RSAD2: variants seen among roughly 807,000 people sequenced by gnomAD.
The protein encoded by RSAD2 is radical S-adenosyl methionine domain containing 2, also known as S-adenosylmethionine-dependent nucleotide dehydratase RSAD2.
A neutral mutation model predicts 37.7 loss-of-function variants in RSAD2; 38 were observed. That is an observed-to-expected ratio of 1.01 (90% CI 0.78 to 1.32). The LOEUF (loss-of-function observed/expected upper bound fraction) is 1.32, where lower values mean the gene tolerates loss of function less well. Among genes scored for constraint, RSAD2 ranks in the 40% most tolerant of loss-of-function variants. The probability of loss-of-function intolerance (pLI) is 0.00; values close to 1 mark genes in which losing one functional copy is unlikely to be tolerated. For missense variants in RSAD2, 428 were observed against 437.5 expected (o/e 0.98, Z 0.19); for synonymous variants, 163 against 157.4 (o/e 1.04, Z -0.27).
chr2:6,893,855 C>A, intron 5 of RSAD2, 152 bp downstream of exon 5: 1 of 612,532 alleles, frequency 1.6e-6, no homozygotes, highest in Non-Finnish European at 2.9e-6. Flanking sequence ...ATGATTATGC[C>A]AGAGCCCTCA....
chr2:6,874,302 C>T (rs923428312), upstream of RSAD2, among the ~76,000 whole-genome samples: 1 of 152,098 alleles, frequency 6.6e-6, no homozygotes, highest in Non-Finnish European at 1.5e-5. Context: ...ACCTATTTTC[C>T]TTATAAATGA....
chr2:6,886,430 T>C (rs1282369130), intron 2 of RSAD2, among the ~76,000 whole-genome samples: 1 of 152,252 alleles, frequency 6.6e-6, no homozygotes, highest in East Asian at 1.9e-4. Context: ...TGACATCACA[T>C]AGAATGTCTC....
upstream of RSAD2, chr2:6,877,704 C>T (rs1572153356): frequency 6.8e-6 from 6 of 877,536 alleles, no homozygotes; most frequent in Non-Finnish European, 1.0e-5. Context: ...GTGTCCTGCT[C>T]CCCAATGACA....
chr2:6,894,352 C>T (rs1241799136), intron 5 of RSAD2, among the ~76,000 whole-genome samples: 1 of 152,130 alleles, frequency 6.6e-6, no homozygotes, highest in Non-Finnish European at 1.5e-5. Flanking sequence ...ACAAATAATT[C>T]CATTTGAAGA....
At chr2:6,871,178 A>G (rs536809637) in intron 1 of RSAD2, among the ~76,000 whole-genome samples, 12 of 152,334 alleles carry the variant, frequency 7.9e-5, no homozygotes, top group Non-Finnish European at 1.8e-4. Context: ...ACATTAGTGA[A>G]ATAGAAAGAT....
intron 4 of RSAD2, among the ~76,000 whole-genome samples, chr2:6,892,522 C>G (rs1663654457): frequency 6.6e-6 from 1 of 152,184 alleles, no homozygotes; most frequent in African/African-American, 2.4e-5. Flanking sequence ...TGTATCATCC[C>G]CATTGTATAC....
In RSAD2 at chr2:6,877,912, A is replaced by T; in HGVS notation, c.112A>T (p.Thr38Ser). Residue 38 changes from threonine to serine, a missense_variant, in exon 1 of 6, where the codon ACC becomes TCC. Coordinates refer to ENST00000382040, the MANE Select transcript of RSAD2 (RefSeq NM_080657.5). ...LVPLFCWLRA[T>S]FWLLATKRRK... ...CCCGCTGTTCTGCTGGCTGAGGGCA[A>T]CCTTCTGGCTGCTAGCTACCAAGAG... is the stretch of plus-strand genomic sequence containing the variant. 6.2e-7 allele frequency: 1 copy of T among 1,614,000 alleles called. No individual in the cohort carries two copies. The highest frequency in any genetic ancestry group is 1.1e-5 in the South Asian group (1 of 91,060).
chr2:6,889,087 C>T lies in RSAD2; in HGVS notation c.739-1089C>T, dbSNP rs553687603. ...CGGCTTGCTTTTCTCCTGCAGAAGC[C>T]CTTCCAGTCTAGCTGGCTGATTCTG... On this transcript the variant is annotated intron_variant, in intron 3 of 5. Coordinates refer to ENST00000382040, the MANE Select transcript of RSAD2 (RefSeq NM_080657.5). Among the ~76,000 whole-genome samples the T allele has an allele frequency of 2.2e-3, 340 of 152,304 alleles. 6 individuals are homozygous for T. Among genetic ancestry groups the T allele is most frequent in the Non-Finnish European group, 3.8e-4 (26 of 68,020 alleles).
At chr2:6,884,038 T>C (rs1190309949) in intron 2 of RSAD2, among the ~76,000 whole-genome samples, 1 of 152,208 alleles carries the variant, frequency 6.6e-6, no homozygotes, top group Admixed American at 6.5e-5. Flanking sequence ...TCTGCAGGTG[T>C]CATGTCCATA....
At position 6,896,162 on chromosome 2, in the gene RSAD2, A is replaced by G; in HGVS notation, c.*220A>G. On this transcript the variant is annotated 3_prime_UTR_variant, in exon 6 of 6. Transcript: ENST00000382040. ...ATTAACTTTACTTCATTGGCTTATA[A>G]CCTTGTTGTTATTGAAACAGCACTT... 2.2e-6 allele frequency: 1 copy of G among 455,952 alleles called. No homozygotes were observed. Among genetic ancestry groups the G allele is most frequent in the Admixed American group, 3.7e-5 (1 of 27,134 alleles). The allele number at this position is 455,952 out of a possible 1,614,324, so 28.2% of individuals were successfully genotyped here.
upstream of RSAD2, among the ~76,000 whole-genome samples, chr2:6,875,269 A>G (rs1222842312): frequency 6.6e-6 from 1 of 152,240 alleles, no homozygotes; most frequent in African/African-American, 2.4e-5. Context: ...ATCTGGATAC[A>G]GTTAAATCCT....
At chr2:6,895,235 C>G (rs1257216235) in intron 5 of RSAD2, among the ~76,000 whole-genome samples, 1 of 152,242 alleles carries the variant, frequency 6.6e-6, no homozygotes, top group African/African-American at 2.4e-5. Context: ...TCCTCTTGAT[C>G]TGGCACCTGC....
chr2:6,886,081 A>G (rs1292352752), intron 2 of RSAD2, among the ~76,000 whole-genome samples: 1 of 152,228 alleles, frequency 6.6e-6, no homozygotes, highest in East Asian at 1.9e-4. Flanking sequence ...AAGTAATTTT[A>G]AGAAAAAGAG....
chr2:6,892,527 G>A (rs1015281880), intron 4 of RSAD2, among the ~76,000 whole-genome samples: 1 of 152,112 alleles, frequency 6.6e-6, no homozygotes, highest in African/African-American at 2.4e-5. Flanking sequence ...CATCCCCATT[G>A]TATACATCAA....
intron 2 of RSAD2, 179 bp downstream of exon 2, chr2:6,883,711 T>A (rs1056795655): frequency 3.5e-5 from 23 of 663,240 alleles, no homozygotes; most frequent in Non-Finnish European, 5.5e-5. Flanking sequence ...GCAGTTTTAG[T>A]TCCTTAGGGC....
chr2:6,884,493 T>C, intron 2 of RSAD2, among the ~76,000 whole-genome samples: 1 of 152,064 alleles, frequency 6.6e-6, no homozygotes, highest in East Asian at 1.9e-4. Flanking sequence ...AAAAAGAAAC[T>C]GAGGAAGCAG....
chr2:6,884,106 T>G (rs996325882), intron 2 of RSAD2, among the ~76,000 whole-genome samples: 1 of 152,264 alleles, frequency 6.6e-6, no homozygotes, highest in African/African-American at 2.4e-5. Context: ...TTATATGGAC[T>G]GTCATGTTGG....
At chr2:6,881,410 A>G (rs1226243474) in intron 1 of RSAD2, among the ~76,000 whole-genome samples, 1 of 152,198 alleles carries the variant, frequency 6.6e-6, no homozygotes, top group Non-Finnish European at 1.5e-5. Flanking sequence ...AGGCTTCTCT[A>G]CTTATAAAGA....
chr2:6,894,314 TA>T (rs1663694779), intron 5 of RSAD2, among the ~76,000 whole-genome samples: 1 of 152,024 alleles, frequency 6.6e-6, no homozygotes, highest in East Asian at 1.9e-4. Flanking sequence ...TCTAGATCTA[TA>T]ACCATTGCCA....
Sources: allele counts gnomAD v4.1 joint callset (sites outside exome capture counted in the v4.1 genomes callset), GRCh38; gene constraint gnomAD v4.1.1; transcripts MANE v1.5; gene names NCBI Gene and HGNC (gene_info 2026-07-23, HGNC 2026-07-21).